MSH4: variants seen among roughly 807,000 people sequenced by gnomAD.
MSH4 encodes mutS protein homolog 4.
In MSH4, 106 loss-of-function variants were observed where a neutral mutation model predicts 113.7. The observed-to-expected ratio is 0.93, with a 90% CI of 0.80 to 1.10. The LOEUF (loss-of-function observed/expected upper bound fraction) is 1.10. Among genes scored for constraint, MSH4 ranks in the 50% least tolerant of loss-of-function variants. The probability of loss-of-function intolerance (pLI) is 0.00; values close to 1 mark genes in which losing one functional copy is unlikely to be tolerated. For synonymous variants in MSH4, 368 were observed against 380.2 expected (o/e 0.97, Z 0.37); for missense variants, 1,061 against 1,093.7 (o/e 0.97, Z 0.42).
At chr1:75,799,320 A>G (rs1191834032) in intron 1 of MSH4, among the ~76,000 whole-genome samples, 2 of 152,200 alleles carry the variant, frequency 1.3e-5, no homozygotes, top group Non-Finnish European at 2.9e-5. Flanking sequence ...CCAAGGCCCA[A>G]ATAGGCGAAC....
At chr1:75,826,284 T>C (rs1455037562) in intron 7 of MSH4, among the ~76,000 whole-genome samples, 5 of 145,066 alleles carry the variant, frequency 3.4e-5, no homozygotes, top group Admixed American at 2.1e-4. Context: ...GATGTTAGTT[T>C]GTATTTCTGT....
chr1:75,885,059 G>GTGTATATA (rs1300289205), intron 15 of MSH4, among the ~76,000 whole-genome samples: 128 of 112,554 alleles, frequency 1.1e-3, no homozygotes, highest in Non-Finnish European at 1.7e-3. Flanking sequence ...GTGTGTGTGT[G>GTGTATATA]TATATATATA....
intron 7 of MSH4, among the ~76,000 whole-genome samples, chr1:75,832,781 T>G (rs1570955821): frequency 2.5e-5 from 2 of 80,158 alleles, no homozygotes; most frequent in Non-Finnish European, 2.9e-5. Context: ...TGATGGAACG[T>G]ATCTCAAAAT....
At chr1:75,865,685 A>G (rs1651547832) in intron 8 of MSH4, among the ~76,000 whole-genome samples, 1 of 152,256 alleles carries the variant, frequency 6.6e-6, no homozygotes, top group African/African-American at 2.4e-5. Context: ...AGGGAGATGT[A>G]AACAACTTTA....
chr1:75,892,304 G>T (rs1570993607), intron 17 of MSH4, among the ~76,000 whole-genome samples: 1 of 152,006 alleles, frequency 6.6e-6, no homozygotes, highest in Non-Finnish European at 1.5e-5. Context: ...TTAGACCTTG[G>T]TACTTGTTAG....
intron 17 of MSH4, among the ~76,000 whole-genome samples, chr1:75,896,010 G>A (rs1652372703): frequency 6.6e-6 from 1 of 152,106 alleles, no homozygotes; most frequent in Non-Finnish European, 1.5e-5. Flanking sequence ...GGCATTTCTG[G>A]ATGAGATTAG....
chr1:75,807,141 G>A lies in MSH4; in HGVS notation c.588G>A (p.Lys196=). ...SQFADNTTYA[K]VITKLKILSP... ...TTGCAGACAACACAACATATGCAAA[G>A]GTAAGTATTAATAATTCTAGAAAAT... The change falls in exon 3 of 20, where the codon AAG becomes AAA. Residue 196 remains lysine, a splice_region_variant and synonymous_variant. Transcript: ENST00000263187. 6.5e-7 allele frequency: 1 copy of A among 1,537,826 alleles called. No homozygotes were observed. The highest frequency in any genetic ancestry group is 8.7e-7 in the Non-Finnish European group (1 of 1,151,936).
rs142589899 is a variant in MSH4, at chr1:75,900,414, G to A, written c.2619+708G>A. Among the ~76,000 whole-genome samples the A allele has an allele frequency of 7.9e-5, 12 of 152,168 alleles. No individual in the cohort carries two copies. The East Asian group carries it at 2.1e-3, about 27-fold the overall frequency. On this transcript the variant is annotated intron_variant, in intron 19 of 19. Coordinates refer to ENST00000263187, the MANE Select transcript of MSH4 (RefSeq NM_002440.4). ...CCTCCTGGGTTTAAGCGATTCTCCT[G>A]TCTCAGTCTCCTGAGTAGCTGGGAT...
intron 7 of MSH4, among the ~76,000 whole-genome samples, chr1:75,828,782 T>G (rs1240639834): frequency 6.6e-6 from 1 of 152,146 alleles, no homozygotes; most frequent in African/African-American, 2.4e-5. Flanking sequence ...AACCTGCACA[T>G]GTACCCTGTA....
intron 8 of MSH4, among the ~76,000 whole-genome samples, chr1:75,848,722 T>G (rs1032434393): frequency 6.6e-6 from 1 of 152,060 alleles, no homozygotes; most frequent in African/African-American, 2.4e-5. Flanking sequence ...CTGGGTAACA[T>G]AGTGAGGCCT....
In MSH4 at chr1:75,867,571, C is replaced by T. The variant is rs760280278; in HGVS notation, c.1288C>T (p.Leu430Phe). ...NLIYLKHTLELVDPLKIAMKN... is the reference protein window; with the variant it reads ...NLIYLKHTLEFVDPLKIAMKN... ...AATATACTTAAAACATACCTTGGAA[C>T]TTGTGGATCCTTTAAAGGTAATTTA... Residue 430 changes from leucine (L) to phenylalanine (F), a missense_variant, in exon 9 of 20, where the codon CTT (leucine) becomes TTT (phenylalanine). Transcript: ENST00000263187. 2 of 1,567,290 alleles carry T rather than the reference C, an allele frequency of 1.3e-6. No homozygotes were observed. Among genetic ancestry groups the T allele is most frequent in the Non-Finnish European group, 1.7e-6 (2 of 1,144,594 alleles).
intron 15 of MSH4, among the ~76,000 whole-genome samples, chr1:75,885,074 T>TATATAA (rs1553138185): frequency 7.0e-6 from 1 of 141,944 alleles, no homozygotes; most frequent in Non-Finnish European, 1.5e-5. Context: ...TATATATATA[T>TATATAA]ACCAGCCAGG....
intron 8 of MSH4, among the ~76,000 whole-genome samples, chr1:75,858,817 A>T (rs1651383063): frequency 1.3e-5 from 2 of 152,062 alleles, no homozygotes; most frequent in South Asian, 4.1e-4. Flanking sequence ...TTTTCTATTG[A>T]TCGGAATATT....
chr1:75,892,222 C>A (rs781316957), intron 17 of MSH4, among the ~76,000 whole-genome samples: 4 of 152,138 alleles, frequency 2.6e-5, no homozygotes, highest in Non-Finnish European at 5.9e-5. Context: ...TTGGCTTTTT[C>A]TGGGTCTGGA....
chr1:75,827,107 C>A (rs778150661), intron 7 of MSH4, among the ~76,000 whole-genome samples: 11 of 152,110 alleles, frequency 7.2e-5, no homozygotes, highest in Non-Finnish European at 1.3e-4. Context: ...AGGTTATTTA[C>A]AAAGGGAAGC....
At position 75,898,518 on chromosome 1, in the gene MSH4, A is replaced by AT. The variant is rs1228076928; in HGVS notation, c.2530+438dup. Among the ~76,000 whole-genome samples, 20 of 108,276 alleles carry AT rather than the reference A, an allele frequency of 1.8e-4. No homozygotes were observed. The South Asian group carries it at 3.7e-3, about 20-fold the overall frequency. 71.0% of individuals were successfully genotyped at this position (108,276 alleles called of 152,430 possible). On this transcript the variant is annotated intron_variant, in intron 18 of 19. Transcript: ENST00000263187. ...TTAAAAGAGAATGTATTACCAAACC[A>AT]TATTTTTTTTTTTTTTTTGAGACAA...
At chr1:75,867,304 C>A (rs1651606922) in intron 8 of MSH4, among the ~76,000 whole-genome samples, 1 of 152,120 alleles carries the variant, frequency 6.6e-6, no homozygotes, top group Admixed American at 6.6e-5. Context: ...GAGATGAACT[C>A]TTCTCATTTC....
intron 7 of MSH4, among the ~76,000 whole-genome samples, chr1:75,835,048 G>A (rs1650798918): frequency 6.6e-6 from 1 of 152,210 alleles, no homozygotes; most frequent in Non-Finnish European, 1.5e-5. Context: ...TAGTTTATAT[G>A]TACTACTCTT....
intron 2 of MSH4, 22 bp downstream of exon 2, chr1:75,803,935 C>T: frequency 1.4e-6 from 2 of 1,420,388 alleles, no homozygotes; most frequent in South Asian, 1.7e-5. Flanking sequence ...GGAAGATTAA[C>T]CTAGATGATG....
Sources: allele counts gnomAD v4.1 joint callset (sites outside exome capture counted in the v4.1 genomes callset), GRCh38; gene constraint gnomAD v4.1.1; transcripts MANE v1.5; gene names NCBI Gene and HGNC (gene_info 2026-07-23, HGNC 2026-07-21).